Variants in IQSEC1 observed in about 807,000 individuals in gnomAD.
IQSEC1 encodes the protein IQ motif and SEC7 domain-containing protein 1.
A neutral mutation model predicts 91.0 loss-of-function variants in IQSEC1; 31 were observed. That is an observed-to-expected ratio of 0.34 (90% CI 0.26 to 0.46). The LOEUF (loss-of-function observed/expected upper bound fraction) is 0.46, where lower values mean the gene tolerates loss of function less well. IQSEC1 is among the 20% of genes least tolerant of loss of function. IQSEC1 has a pLI of 1.00. For synonymous variants in IQSEC1, 699 were observed against 662.6 expected (o/e 1.05, Z -0.84); for missense variants, 1,388 against 1,575.6 (o/e 0.88, Z 2.02).
intron 2 of IQSEC1, among the ~76,000 whole-genome samples, chr3:13,107,141 C>G (rs1176580643): frequency 6.6e-6 from 1 of 152,202 alleles, no homozygotes; most frequent in African/African-American, 2.4e-5. Flanking sequence ...TGGTGACCAC[C>G]AGGGACAGAA....
intron 2 of IQSEC1, among the ~76,000 whole-genome samples, chr3:13,143,857 T>C (rs358375): frequency 0.53 from 80,025 of 152,006 alleles, 22,009 homozygotes; most frequent in African/African-American, 0.69. Flanking sequence ...CCTTGCCTGA[T>C]GCCAGCTGCC....
At chr3:13,005,237 G>A (rs889471948) in intron 1 of IQSEC1, among the ~76,000 whole-genome samples, 5 of 152,252 alleles carry the variant, frequency 3.3e-5, no homozygotes, top group African/African-American at 1.2e-4. Flanking sequence ...TGAAAAGCCC[G>A]GGAGTGCAAA....
chr3:13,002,586 T>G (rs1445742245), intron 1 of IQSEC1, among the ~76,000 whole-genome samples: 1 of 147,676 alleles, frequency 6.8e-6, no homozygotes, highest in African/African-American at 2.5e-5. Context: ...ACTGAGAAAA[T>G]TATATAACTG....
Position 12,909,578 on chromosome 3 carries a change from G to A in IQSEC1, c.2417-144C>T. 1 of 753,520 alleles carries A rather than the reference G, an allele frequency of 1.3e-6. No individual in the cohort carries two copies. The allele number at this position is 753,520 out of a possible 1,614,324, so 46.7% of individuals were successfully genotyped here. On this transcript the variant is annotated intron_variant, in intron 10 of 13. Transcript: ENST00000613206. The surrounding 1 kb of genome is among the most constrained non-coding windows in gnomAD (Gnocchi z 4.9). The stretch of plus-strand genomic sequence containing the variant: ...GGGAGTCCAGCCTCCGCAGTGGCAG[G>A]CTGCAGGGGTGCAGAGCAACCTCAT...
chr3:13,194,602 C>T (rs1361870122), intron 1 of IQSEC1, among the ~76,000 whole-genome samples: 1 of 152,180 alleles, frequency 6.6e-6, no homozygotes, highest in Non-Finnish European at 1.5e-5. Context: ...ATGTAAGGCC[C>T]ACCACAAACC....
chr3:13,174,200 C>T (rs953765589), intron 1 of IQSEC1, among the ~76,000 whole-genome samples: 4 of 152,174 alleles, frequency 2.6e-5, no homozygotes, highest in African/African-American at 9.7e-5. Context: ...GGTGAGGGGA[C>T]TGGGGGCTGT....
At position 13,281,260 on chromosome 3, in the gene IQSEC1, G is replaced by A. The variant is rs540583580; in HGVS notation, c.272+1451C>T. Reference sequence around the variant, plus strand: ...GGCCCCTGTGAGACCAGCTCCGGGAGACCCACAGCTGCTGTGGCAGGACTG... The same window carrying A: ...GGCCCCTGTGAGACCAGCTCCGGGAAACCCACAGCTGCTGTGGCAGGACTG... On this transcript the variant is annotated intron_variant, in intron 1 of 15. Transcript: ENST00000648114. 8.5e-5 allele frequency among the ~76,000 whole-genome samples: 13 copies of A among 152,304 alleles called. 1 individual carries two copies. The South Asian group carries it at 2.7e-3, about 32-fold the overall frequency.
In IQSEC1 at chr3:13,143,368, G is replaced by C. The variant is rs570364854; in HGVS notation, c.302+20736C>G. Among the ~76,000 whole-genome samples the C allele has an allele frequency of 2.0e-5, 3 of 152,362 alleles. No homozygotes were observed. In the East Asian group the frequency reaches 5.8e-4, roughly 29 times the overall value. On this transcript the variant is annotated intron_variant, in intron 2 of 15. Transcript: ENST00000648114. Reference sequence around the variant, plus strand: ...GGGGCCTGGGGAGGAGGTGGTCAGAGAGGGAAAAATGCCACCATGGATTCT... The same window carrying C: ...GGGGCCTGGGGAGGAGGTGGTCAGACAGGGAAAAATGCCACCATGGATTCT...
At chr3:13,245,863 G>C (rs1050982439) in intron 1 of IQSEC1, among the ~76,000 whole-genome samples, 1 of 151,894 alleles carries the variant, frequency 6.6e-6, no homozygotes, top group South Asian at 2.1e-4. Flanking sequence ...CCTGCTAGAT[G>C]AAAGACACTG....
At chr3:13,281,562 C>T (rs1487490920) in intron 1 of IQSEC1, among the ~76,000 whole-genome samples, 2 of 152,306 alleles carry the variant, frequency 1.3e-5, no homozygotes, top group African/African-American at 4.8e-5. Flanking sequence ...AGCACACCCT[C>T]CAGGCAGGGC....
rs1470726208 is a variant in IQSEC1, at chr3:12,924,588, C to T, written c.1723G>A (p.Val575Met). Reference protein sequence around the residue: ...GNRQKQFNRDVLDCVVDEMDF... With the variant: ...GNRQKQFNRDMLDCVVDEMDF... ...CCCCCATGCAGAACTTACTCGAGCA[C>T]GTCACGGTTGAACTGCTTCTGCCGG... Residue 575 changes from valine (V) to methionine (M), a missense_variant, in exon 4 of 14, where the codon GTG becomes ATG. Val to Met is a conservative substitution (Grantham distance 21). Around this residue, in one of 2 missense-constraint regions of IQSEC1, gnomAD observed 1,059 missense variants for 1,317.8 expected, o/e 0.80. Coordinates refer to ENST00000613206, the MANE Select transcript of IQSEC1 (RefSeq NM_001134382.3). The surrounding 1 kb of genome is among the most constrained non-coding windows in gnomAD (Gnocchi z 6.3). The T allele has an allele frequency of 4.4e-6, 7 of 1,600,102 alleles. No homozygotes were observed. Among genetic ancestry groups the T allele is most frequent in the East Asian group, 2.3e-5 (1 of 44,148 alleles).
chr3:13,112,183 C>G (rs1407702590), intron 2 of IQSEC1, among the ~76,000 whole-genome samples: 1 of 152,210 alleles, frequency 6.6e-6, no homozygotes, highest in Non-Finnish European at 1.5e-5. Flanking sequence ...TGCAAACACA[C>G]AGAGGGAGTT....
intron 1 of IQSEC1, chr3:13,047,564 A>G: frequency 1.0e-6 from 1 of 968,376 alleles, no homozygotes; most frequent in Non-Finnish European, 1.2e-6. Flanking sequence ...ATGGTCCCAC[A>G]CACACAGCAA....
At chr3:13,049,037 C>T (rs1451153457) in intron 1 of IQSEC1, among the ~76,000 whole-genome samples, 3 of 152,180 alleles carry the variant, frequency 2.0e-5, no homozygotes, top group African/African-American at 7.2e-5. Context: ...GGTCACAGTC[C>T]TGTGCCCAAT....
At chr3:13,082,671 T>C (rs1705664401) in intron 2 of IQSEC1, among the ~76,000 whole-genome samples, 2 of 152,174 alleles carry the variant, frequency 1.3e-5, no homozygotes. Flanking sequence ...AAACCACCCC[T>C]AGCCCCGCAC....
chr3:13,031,325 T>C (rs1429897814), intron 1 of IQSEC1, among the ~76,000 whole-genome samples: 1 of 152,200 alleles, frequency 6.6e-6, no homozygotes, highest in African/African-American at 2.4e-5. Context: ...CCCCAGCTGG[T>C]AGACAAGGGC....
intron 1 of IQSEC1, among the ~76,000 whole-genome samples, chr3:13,192,936 C>A (rs1278235032): frequency 1.3e-5 from 2 of 152,370 alleles, no homozygotes; most frequent in Non-Finnish European, 1.5e-5. Context: ...GGCCTGAGTG[C>A]AGAACCAGAG....
intron 1 of IQSEC1, among the ~76,000 whole-genome samples, chr3:13,203,464 G>T (rs1694283623): frequency 6.6e-6 from 1 of 152,108 alleles, no homozygotes; most frequent in African/African-American, 2.4e-5. Context: ...TCCTGTAGTG[G>T]GCACCCCCAG....
intron 2 of IQSEC1, among the ~76,000 whole-genome samples, chr3:13,135,054 A>G (rs779800706): frequency 6.6e-6 from 1 of 152,016 alleles, no homozygotes; most frequent in Non-Finnish European, 1.5e-5. Flanking sequence ...TGTGGTAAGC[A>G]CCGTGCATGC....
Sources: gnomAD v4.1 joint callset for allele counts (sites outside exome capture counted in the v4.1 genomes callset) on GRCh38, gnomAD v4.1.1 for gene constraint, gnomAD v4.1.1 regional missense constraint, Gnocchi (gnomAD v3.1) non-coding constraint, MANE v1.5 for transcripts, NCBI Gene and HGNC (gene_info 2026-07-23, HGNC 2026-07-21) for gene names.